The following P3H2 variants were observed in gnomAD, a reference collection of about 807,000 sequenced individuals.
The protein encoded by P3H2 is leprecan-like 1.
P3H2 carries 80 observed loss-of-function variants against 87.0 expected under a neutral mutation model. The ratio of observed to expected loss-of-function variants is 0.92; its 90% CI spans 0.77 to 1.11. The LOEUF (loss-of-function observed/expected upper bound fraction) is 1.11, where lower values mean the gene tolerates loss of function less well. Ranked by LOEUF, P3H2 falls within the 50% of genes least tolerant of loss-of-function variation. P3H2 has a pLI of 0.00. For missense variants in P3H2, 1,001 were observed against 923.9 expected, an observed-to-expected ratio of 1.08 and a Z score of -1.08; for synonymous variants, 367 against 359.3, an observed-to-expected ratio of 1.02 and a Z score of -0.24.
chr3:190,032,259 A>C (rs1441288097), intron 1 of P3H2, among the ~76,000 whole-genome samples: 2 of 151,964 alleles, frequency 1.3e-5, no homozygotes, highest in African/African-American at 4.8e-5. Context: ...TTTTTTTTTC[A>C]AAGCACTATA....
At chr3:190,064,581 C>T (rs1329766127) in intron 1 of P3H2, among the ~76,000 whole-genome samples, 2 of 152,054 alleles carry the variant, frequency 1.3e-5, no homozygotes, top group Non-Finnish European at 2.9e-5. Flanking sequence ...TCTATTCAGC[C>T]TATTTTTATT....
intron 1 of P3H2, among the ~76,000 whole-genome samples, chr3:190,000,266 T>C (rs1178434205): frequency 6.6e-6 from 1 of 152,202 alleles, no homozygotes; most frequent in Admixed American, 6.5e-5. Flanking sequence ...CACCCGCCTA[T>C]TCAAGAACAC....
chr3:190,053,527 G>C (rs942110332), intron 1 of P3H2, among the ~76,000 whole-genome samples: 1 of 146,672 alleles, frequency 6.8e-6, no homozygotes, highest in Non-Finnish European at 1.5e-5. Flanking sequence ...GCACAATCTC[G>C]GCTCACTGTA....
At chr3:190,098,871 C>T (rs755384650) in intron 1 of P3H2, among the ~76,000 whole-genome samples, 1 of 152,150 alleles carries the variant, frequency 6.6e-6, no homozygotes, top group Non-Finnish European at 1.5e-5. Context: ...TAAGGTCATA[C>T]AAGCTCTTCA....
chr3:190,090,120 A>G (rs899541487), intron 1 of P3H2, among the ~76,000 whole-genome samples: 1 of 152,184 alleles, frequency 6.6e-6, no homozygotes, highest in Admixed American at 6.5e-5. Context: ...GTGCCCCAAC[A>G]GACCCTTTCC....
chr3:190,034,915 C>T (rs190253499), intron 1 of P3H2, among the ~76,000 whole-genome samples: 198 of 141,340 alleles, frequency 1.4e-3, no homozygotes, highest in African/African-American at 5.0e-3. Context: ...GTGGTGTGAT[C>T]TCGGCTCACT....
intron 1 of P3H2, among the ~76,000 whole-genome samples, chr3:190,079,481 A>C (rs536566928): frequency 6.6e-6 from 1 of 152,340 alleles, no homozygotes; most frequent in South Asian, 2.1e-4. Context: ...TGAATGATAC[A>C]TCAATTTAAA....
intron 1 of P3H2, among the ~76,000 whole-genome samples, chr3:190,063,725 G>A (rs1180611713): frequency 6.6e-6 from 1 of 152,082 alleles, no homozygotes; most frequent in Non-Finnish European, 1.5e-5. Flanking sequence ...TGGAGTGAGT[G>A]AAGCCTGTAT....
intron 5 of P3H2, among the ~76,000 whole-genome samples, chr3:189,987,094 T>G (rs1237780120): frequency 6.6e-6 from 1 of 152,102 alleles, no homozygotes; most frequent in Non-Finnish European, 1.5e-5. Flanking sequence ...AAGAACCGAG[T>G]TCAACAACCT....
intron 1 of P3H2, among the ~76,000 whole-genome samples, chr3:190,081,622 C>T: frequency 6.6e-6 from 1 of 152,170 alleles, no homozygotes; most frequent in East Asian, 1.9e-4. Context: ...TGACAAGTGA[C>T]TACCGTTCCA....
intron 14 of P3H2, 102 bp from the exon 15 acceptor site, chr3:189,958,106 T>C (rs1254390958): frequency 3.7e-6 from 3 of 818,086 alleles, no homozygotes; most frequent in East Asian, 4.9e-5. Context: ...GTACATGGGT[T>C]GATGCTATAT....
intron 1 of P3H2, among the ~76,000 whole-genome samples, chr3:190,093,250 A>G (rs993701649): frequency 2.0e-5 from 3 of 152,230 alleles, no homozygotes; most frequent in Non-Finnish European, 2.9e-5. Flanking sequence ...ATTTGTCTGC[A>G]GTGCTCAGTG....
chr3:189,960,299 C>T (rs928957154), intron 14 of P3H2, among the ~76,000 whole-genome samples: 5 of 152,174 alleles, frequency 3.3e-5, no homozygotes, highest in African/African-American at 7.2e-5. Context: ...AAAAATCTCT[C>T]GATTATTTAT....
intron 1 of P3H2, among the ~76,000 whole-genome samples, chr3:190,069,254 G>T (rs1726618869): frequency 6.6e-6 from 1 of 152,102 alleles, no homozygotes; most frequent in Non-Finnish European, 1.5e-5. Flanking sequence ...TCTCTACTGG[G>T]ACATTGCTAA....
intron 1 of P3H2, among the ~76,000 whole-genome samples, chr3:190,020,060 G>C (rs1262191197): frequency 2.3e-5 from 3 of 132,992 alleles, no homozygotes; most frequent in African/African-American, 7.8e-5. Context: ...ACTTTAATTA[G>C]AAAGGTTCAT....
intron 1 of P3H2, among the ~76,000 whole-genome samples, chr3:190,043,764 A>T (rs540144011): frequency 6.6e-6 from 1 of 152,326 alleles, no homozygotes; most frequent in South Asian, 2.1e-4. Flanking sequence ...TAATGAGAGT[A>T]GGAATTATGA....
At chr3:190,105,994 G>A (rs886920690) in intron 1 of P3H2, among the ~76,000 whole-genome samples, 1 of 152,186 alleles carries the variant, frequency 6.6e-6, no homozygotes, top group Non-Finnish European at 1.5e-5. Flanking sequence ...ATGAAGAAAT[G>A]TTTGTTGATT....
At chr3:190,058,536 A>T (rs1726234202) in intron 1 of P3H2, among the ~76,000 whole-genome samples, 1 of 152,166 alleles carries the variant, frequency 6.6e-6, no homozygotes, top group African/African-American at 2.4e-5. Context: ...TGGTAACAGA[A>T]TGGGAGTGAG....
At chr3:190,108,355 G>T (rs1711932646) in intron 1 of P3H2, among the ~76,000 whole-genome samples, 1 of 152,074 alleles carries the variant, frequency 6.6e-6, no homozygotes. Context: ...TATATCAGTA[G>T]TAACACATTC....
Sources: allele counts gnomAD v4.1 joint callset (sites outside exome capture counted in the v4.1 genomes callset), GRCh38; gene constraint gnomAD v4.1.1; transcripts MANE v1.5; gene names NCBI Gene and HGNC (gene_info 2026-07-23, HGNC 2026-07-21).